C14orf132: variants seen among roughly 807,000 people sequenced by gnomAD.
The protein encoded by C14orf132 is chromosome 14 open reading frame 132, also known as uncharacterized protein C14orf132.
A neutral mutation model predicts 5.8 loss-of-function variants in C14orf132; 6 were observed. That is an observed-to-expected ratio of 1.03 (90% CI 0.57 to 2.04). C14orf132 has a LOEUF of 2.04. C14orf132 is among the 30% of genes most tolerant of loss of function. The pLI, the probability that C14orf132 is intolerant of heterozygous loss-of-function variation, is 0.00. For missense variants in C14orf132, 125 were observed against 115.8 expected, an observed-to-expected ratio of 1.08 and a Z score of -0.37; for synonymous variants, 51 against 49.8, an observed-to-expected ratio of 1.02 and a Z score of -0.10.
intron 1 of C14orf132, among the ~76,000 whole-genome samples, chr14:96,080,728 A>C (rs547270315): frequency 1.3e-5 from 2 of 152,230 alleles, no homozygotes; most frequent in African/African-American, 4.8e-5. Context: ...AGGCCCCTGG[A>C]GGATGCTGTC....
At position 96,087,526 on chromosome 14, in the gene C14orf132, C is replaced by T. The variant is rs536602439; in HGVS notation, c.*791C>T. 6 of 152,264 alleles carry T rather than the reference C, an allele frequency of 3.9e-5. No homozygotes were observed. The highest frequency in any genetic ancestry group is 3.9e-4 in the Admixed American group (6 of 15,302). 9.4% of individuals were successfully genotyped at this position (152,264 alleles called of 1,614,324 possible). A position where few individuals can be genotyped will look rare whatever the true frequency, so the allele number is the denominator to read the frequency against. ...GAATTTTAAAGATGAACAAGATTCA[C>T]ATCCACTGAATTATTCAACGGATGG... is the stretch of plus-strand genomic sequence containing the variant. On this transcript the variant is annotated 3_prime_UTR_variant, in exon 2 of 2. Coordinates refer to ENST00000555004, the MANE Select transcript of C14orf132 (RefSeq NM_001252507.3).
At chr14:96,081,254 T>TC (rs1362509298) in intron 1 of C14orf132, among the ~76,000 whole-genome samples, 1 of 152,214 alleles carries the variant, frequency 6.6e-6, no homozygotes, top group East Asian at 1.9e-4. Flanking sequence ...ACTTGCCTTT[T>TC]CCCCTAGAAA....
At chr14:96,053,448 G>A (rs1042433199) in intron 1 of C14orf132, among the ~76,000 whole-genome samples, 2 of 152,220 alleles carry the variant, frequency 1.3e-5, no homozygotes, top group African/African-American at 4.8e-5. Flanking sequence ...ATGCAGAGAG[G>A]TGCCCAGTAC....
intron 1 of C14orf132, among the ~76,000 whole-genome samples, chr14:96,056,815 A>T (rs1019943836): frequency 3.9e-5 from 6 of 152,144 alleles, no homozygotes; most frequent in African/African-American, 1.4e-4. Context: ...ATAGCCTCAC[A>T]CAATTTATCT....
intron 1 of C14orf132, among the ~76,000 whole-genome samples, chr14:96,060,239 C>A (rs1285439295): frequency 6.6e-6 from 1 of 152,148 alleles, no homozygotes; most frequent in East Asian, 1.9e-4. Context: ...GGACACAGGG[C>A]TGGTATGAAG....
Position 96,086,838 on chromosome 14 carries a change from CA to C in C14orf132, c.*104del. 5 of 1,181,328 alleles carry C rather than the reference CA, an allele frequency of 4.2e-6. No homozygotes were observed. Among genetic ancestry groups the C allele is most frequent in the South Asian group, 1.5e-5 (1 of 65,612 alleles). The allele number at this position is 1,181,328 out of a possible 1,614,324, so 73.2% of individuals were successfully genotyped here. On this transcript the variant is annotated 3_prime_UTR_variant, in exon 2 of 2. Transcript: ENST00000555004. ...GTGTTCTAGAACCAGGAGTTTTGAC[CA>C]GGGGCGGCGGCCGTCCTTCTGGAAT...
At chr14:96,074,464 T>C (rs1483145365) in intron 1 of C14orf132, among the ~76,000 whole-genome samples, 2 of 152,178 alleles carry the variant, frequency 1.3e-5, no homozygotes, top group Non-Finnish European at 2.9e-5. Context: ...CATTTTTCTC[T>C]TAACATATTT....
chr14:96,040,013 T>G (rs140305588), intron 1 of C14orf132, among the ~76,000 whole-genome samples: 2,970 of 150,480 alleles, frequency 0.02, 102 homozygotes, highest in African/African-American at 0.069. Context: ...TGAGGAAGGC[T>G]CTGAGACCCG....
In C14orf132 at chr14:96,049,575, T is replaced by C. The variant is rs557166426; in HGVS notation, c.27+10048T>C. On this transcript the variant is annotated intron_variant, in intron 1 of 1. Coordinates refer to ENST00000555004, the MANE Select transcript of C14orf132 (RefSeq NM_001252507.3). ...ATACATATATACGTATATATACATA[T>C]ATACGTATATATATACATATATACG... Among the ~76,000 whole-genome samples the C allele has an allele frequency of 2.9e-3, 339 of 117,458 alleles. 3 individuals are homozygous for C. Among genetic ancestry groups the C allele is most frequent in the Non-Finnish European group, 4.7e-3 (235 of 50,204 alleles). 77.1% of individuals were successfully genotyped at this position (117,458 alleles called of 152,430 possible). A position where few individuals can be genotyped will look rare whatever the true frequency, so the allele number is the denominator to read the frequency against.
intron 1 of C14orf132, among the ~76,000 whole-genome samples, chr14:96,070,643 C>A (rs569802410): frequency 5.3e-5 from 8 of 150,462 alleles, no homozygotes; most frequent in Admixed American, 4.0e-4. Context: ...CTGCACTGAC[C>A]CCTTCTACTC....
intron 1 of C14orf132, among the ~76,000 whole-genome samples, chr14:96,060,435 G>A (rs1338611944): frequency 6.6e-6 from 1 of 152,174 alleles, no homozygotes; most frequent in Non-Finnish European, 1.5e-5. Context: ...AGTGAGCTGC[G>A]ATGTGCTTTA....
At chr14:96,084,508 C>T (rs1379456194) in intron 1 of C14orf132, among the ~76,000 whole-genome samples, 2 of 152,128 alleles carry the variant, frequency 1.3e-5, no homozygotes, top group Non-Finnish European at 2.9e-5. Context: ...GTCTGATGCA[C>T]CCACACCCCA....
intron 1 of C14orf132, among the ~76,000 whole-genome samples, chr14:96,063,551 C>T (rs963289178): frequency 1.3e-5 from 2 of 152,060 alleles, no homozygotes; most frequent in Non-Finnish European, 2.9e-5. Context: ...TCAGGTGATC[C>T]ACCTGCCTCA....
chr14:96,064,075 G>A (rs1387148035), intron 1 of C14orf132, among the ~76,000 whole-genome samples: 1 of 151,948 alleles, frequency 6.6e-6, no homozygotes, highest in East Asian at 1.9e-4. Flanking sequence ...GTAGATGTTG[G>A]CAGGGATGTG....
chr14:96,054,510 C>T (rs1236439683), intron 1 of C14orf132, among the ~76,000 whole-genome samples: 1 of 152,156 alleles, frequency 6.6e-6, no homozygotes, highest in Non-Finnish European at 1.5e-5. Context: ...TGCTTAATTT[C>T]TTGGAGCCTC....
At chr14:96,071,553 T>C (rs1315296116) in intron 1 of C14orf132, among the ~76,000 whole-genome samples, 1 of 152,208 alleles carries the variant, frequency 6.6e-6, no homozygotes, top group African/African-American at 2.4e-5. Context: ...TTGCTACTAC[T>C]GTCACCCCAA....
intron 1 of C14orf132, among the ~76,000 whole-genome samples, chr14:96,056,371 C>T (rs1164564521): frequency 1.3e-5 from 2 of 152,206 alleles, no homozygotes; most frequent in Non-Finnish European, 2.9e-5. Context: ...GACAATACTG[C>T]TCTCACATTG....
chr14:96,085,145 C>T (rs994333175), intron 1 of C14orf132, among the ~76,000 whole-genome samples: 13 of 152,196 alleles, frequency 8.5e-5, no homozygotes, highest in African/African-American at 3.1e-4. Flanking sequence ...AATGGGGTTG[C>T]AGTATTAGCC....
At chr14:96,047,714 T>G (rs1232144228) in intron 1 of C14orf132, among the ~76,000 whole-genome samples, 2 of 152,182 alleles carry the variant, frequency 1.3e-5, no homozygotes, top group Non-Finnish European at 2.9e-5. Flanking sequence ...CACGTCAGCC[T>G]ATTATTTTTA....
Sources: gnomAD v4.1 joint callset for allele counts (sites outside exome capture counted in the v4.1 genomes callset) on GRCh38, gnomAD v4.1.1 for gene constraint, MANE v1.5 for transcripts, NCBI Gene and HGNC (gene_info 2026-07-23, HGNC 2026-07-21) for gene names.